TACC1: variants seen among roughly 807,000 people sequenced by gnomAD.
TACC1 encodes the protein transforming acidic coiled-coil containing protein 1, also known as transforming acidic coiled-coil-containing protein 1.
TACC1 carries 48 observed loss-of-function variants against 84.4 expected under a neutral mutation model. That is an observed-to-expected ratio of 0.57 (90% confidence interval 0.45 to 0.72). The LOEUF is 0.72. TACC1 is among the 30% of genes least tolerant of loss of function. The pLI, the probability that TACC1 is intolerant of heterozygous loss-of-function variation, is 0.00. For missense variants in TACC1, 920 were observed against 973.0 expected, an observed-to-expected ratio of 0.95 and a Z score of 0.72; for synonymous variants, 372 against 376.3, an observed-to-expected ratio of 0.99 and a Z score of 0.13.
At chr8:38,836,392 A>G (rs1588109160) in intron 7 of TACC1, 105 bp downstream of exon 7, 1 of 1,494,924 alleles carries the variant, frequency 6.7e-7, no homozygotes, top group Non-Finnish European at 9.0e-7. Context: ...CACAGGCTGG[A>G]AGTTCTTATT....
chr8:38,774,356 CTT>C (rs772946965), intron 3 of TACC1, among the ~76,000 whole-genome samples: 29 of 152,302 alleles, frequency 1.9e-4, no homozygotes, highest in Admixed American at 4.6e-4. Context: ...AACTGGGTCT[CTT>C]TTGTTCAACA....
intron 2 of TACC1, among the ~76,000 whole-genome samples, chr8:38,812,458 T>G (rs1044430734): frequency 1.3e-5 from 2 of 152,176 alleles, no homozygotes; most frequent in African/African-American, 4.8e-5. Flanking sequence ...TGGCCGACAC[T>G]TAGGAAAAAT....
Position 38,764,419 on chromosome 8 carries a change from AAT to A in TACC1, c.26+18927_26+18928del, listed in dbSNP as rs1432071224. On this transcript the variant is annotated intron_variant, in intron 3 of 14. Transcript: ENST00000518415. Reference sequence around the variant, plus strand: ...ATGCTGGGCACTATCATTTTAAATCAATTTGGTAAAAAAAAAAAAAAAAAAAG... The same window carrying A: ...ATGCTGGGCACTATCATTTTAAATCATTGGTAAAAAAAAAAAAAAAAAAAG... Among the ~76,000 whole-genome samples, 16 of 143,820 alleles carry A rather than the reference AAT, an allele frequency of 1.1e-4. No individual in the cohort carries two copies. The East Asian group carries it at 3.3e-3, about 30-fold the overall frequency. 94.4% of individuals were successfully genotyped at this position (143,820 alleles called of 152,430 possible).
chr8:38,802,994 T>TTA (rs1821766006), intron 2 of TACC1, among the ~76,000 whole-genome samples: 1 of 152,226 alleles, frequency 6.6e-6, no homozygotes, highest in Non-Finnish European at 1.5e-5. Flanking sequence ...CATCAACATC[T>TTA]TATATTTCTT....
chr8:38,800,636 A>G (rs1821140395), intron 2 of TACC1, among the ~76,000 whole-genome samples: 1 of 152,154 alleles, frequency 6.6e-6, no homozygotes, highest in Non-Finnish European at 1.5e-5. Context: ...TTATTGATAT[A>G]CTATATTTTA....
At chr8:38,731,769 A>AC (rs1554622163) in intron 1 of TACC1, among the ~76,000 whole-genome samples, 14,182 of 151,750 alleles carry the variant, frequency 0.093, 728 homozygotes, top group South Asian at 0.12. Context: ...AACAACAACA[A>AC]AACTAGTCTT....
chr8:38,845,504 C>T (rs570024423), intron 11 of TACC1, among the ~76,000 whole-genome samples: 11 of 152,202 alleles, frequency 7.2e-5, no homozygotes, highest in African/African-American at 2.4e-4. Context: ...GACAAATTTC[C>T]TTTTTCCCTT....
At chr8:38,831,299 A>G (rs748910797) in intron 6 of TACC1, 122 bp downstream of exon 6, 60 of 992,426 alleles carry the variant, frequency 6.0e-5, no homozygotes, top group Non-Finnish European at 8.9e-5. Flanking sequence ...TGTAAATGAG[A>G]TAGTTTCTTC....
At chr8:38,805,546 G>T (rs1480580104) in intron 2 of TACC1, 1 of 152,380 alleles carries the variant, frequency 6.6e-6, no homozygotes, top group Non-Finnish European at 1.5e-5. Context: ...GGGGCTTTGA[G>T]TGTGGCTTTT....
rs182836976 is a variant in TACC1, at chr8:38,822,085, A to T, written c.1391+1450A>T. 9.9e-4 allele frequency among the ~76,000 whole-genome samples: 151 copies of T among 151,834 alleles called. 3 individuals carry two copies. In the South Asian group the frequency reaches 0.021, roughly 21 times the overall value. ...CACCGATTCCCTGTCTCTTAAAAAA[A>T]TTTTTTTTAATTAGCTGGGAGTGGT... is the stretch of plus-strand genomic sequence containing the variant. On this transcript the variant is annotated intron_variant, in intron 3 of 12. Coordinates refer to ENST00000317827, the MANE Select transcript of TACC1 (RefSeq NM_006283.3).
chr8:38,817,919 TAAAAAAAAAA>T lies in TACC1; in HGVS notation c.278-1584_278-1575del, dbSNP rs60301511. Among the ~76,000 whole-genome samples, 29 of 47,826 alleles carry T rather than the reference TAAAAAAAAAA, an allele frequency of 6.1e-4. 1 individual carries two copies. The South Asian group carries it at 0.028, about 46-fold the overall frequency. The allele number at this position is 47,826 out of a possible 152,430, so 31.4% of individuals were successfully genotyped here. A position where few individuals can be genotyped will look rare whatever the true frequency, so the allele number is the denominator to read the frequency against. The stretch of plus-strand genomic sequence containing the variant: ...CCTGGGCAACAGAGTGAGAGACCCC[TAAAAAAAAAA>T]AAAAAAAAAAAAAAAAAACAGGCTG... On this transcript the variant is annotated intron_variant, in intron 2 of 12. Transcript: ENST00000317827.
At chr8:38,743,268 A>G (rs1414842323) in intron 2 of TACC1, among the ~76,000 whole-genome samples, 2 of 150,632 alleles carry the variant, frequency 1.3e-5, no homozygotes, top group Non-Finnish European at 2.9e-5. Flanking sequence ...ACAGACATCA[A>G]GGTAGGCATT....
chr8:38,771,068 G>A (rs142706739), intron 3 of TACC1, among the ~76,000 whole-genome samples: 1,987 of 152,284 alleles, frequency 0.013, 24 homozygotes, highest in Middle Eastern at 0.031. Flanking sequence ...TGCCCACCTT[G>A]CTGGCTCATT....
intron 3 of TACC1, among the ~76,000 whole-genome samples, chr8:38,748,546 A>T (rs1808463977): frequency 6.6e-6 from 1 of 152,306 alleles, no homozygotes; most frequent in African/African-American, 2.4e-5. Flanking sequence ...CACATTCTGG[A>T]CCATAAAAAA....
rs935368612 is a variant in TACC1 at position 38,787,418 on chromosome 8, A to C, written c.-165A>C. On this transcript the variant is annotated 5_prime_UTR_variant, in exon 1 of 13. Transcript: ENST00000317827. The stretch of plus-strand genomic sequence containing the variant: ...CGCAGCGCCGGCTGCCGGCGGGAGG[A>C]AGCGCTCCACCAGGGCCCCCGACGG... 2.2e-6 allele frequency: 3 copies of C among 1,340,378 alleles called. No homozygotes were observed. The highest frequency in any genetic ancestry group is 8.0e-5 in the Admixed American group (2 of 25,072). The allele number at this position is 1,340,378 out of a possible 1,614,324, so 83.0% of individuals were successfully genotyped here. A position where few individuals can be genotyped will look rare whatever the true frequency, so the allele number is the denominator to read the frequency against.
intron 1 of TACC1, among the ~76,000 whole-genome samples, chr8:38,737,423 A>G (rs1468747733): frequency 6.6e-6 from 1 of 152,208 alleles, no homozygotes; most frequent in Non-Finnish European, 1.5e-5. Flanking sequence ...TGAGATCAGG[A>G]GACTGGGCTG....
chr8:38,840,449 A>G, intron 9 of TACC1, 182 bp downstream of exon 9: 1 of 511,342 alleles, frequency 2.0e-6, no homozygotes, highest in East Asian at 3.4e-5. Flanking sequence ...CCCATTCCTC[A>G]TAGAAGGGGC....
intron 3 of TACC1, among the ~76,000 whole-genome samples, chr8:38,820,858 CCTTAG>C (rs1826621994): frequency 2.0e-5 from 3 of 152,136 alleles, no homozygotes; most frequent in South Asian, 4.1e-4. Flanking sequence ...TTTTCTGAAT[CCTTAG>C]CTTAATCAGC....
At chr8:38,822,245 TA>T (rs139176772) in intron 3 of TACC1, among the ~76,000 whole-genome samples, 1,403 of 118,954 alleles carry the variant, frequency 0.012, 13 homozygotes, top group African/African-American at 0.04. Context: ...ACCCTGTCTT[TA>T]AAAAAAAAAA....
Sources: allele counts gnomAD v4.1 joint callset (sites outside exome capture counted in the v4.1 genomes callset), GRCh38; gene constraint gnomAD v4.1.1; transcripts MANE v1.5; gene names NCBI Gene and HGNC (gene_info 2026-07-23, HGNC 2026-07-21).